The following INTU variants were observed in gnomAD, a reference collection of about 807,000 sequenced individuals.
The protein encoded by INTU is inturned planar cell polarity protein, also known as protein inturned.
A neutral mutation model predicts 100.5 loss-of-function variants in INTU; 68 were observed. The ratio of observed to expected loss-of-function variants is 0.68; its 90% CI spans 0.56 to 0.83. The LOEUF is 0.83. Among genes scored for constraint, INTU ranks in the 40% least tolerant of loss-of-function variants. The pLI, the probability that INTU is intolerant of heterozygous loss-of-function variation, is 0.00. For missense variants in INTU, 1,071 were observed against 1,114.7 expected (o/e 0.96, Z 0.56); for synonymous variants, 357 against 395.7 (o/e 0.90, Z 1.16).
At chr4:127,640,558 T>G (rs1420888558) in intron 1 of INTU, among the ~76,000 whole-genome samples, 1 of 58,034 alleles carries the variant, frequency 1.7e-5, no homozygotes, top group Non-Finnish European at 3.1e-5. Flanking sequence ...TATATATATA[T>G]ATATATATAT....
chr4:127,689,858 C>T (rs1479424650), intron 8 of INTU, among the ~76,000 whole-genome samples: 1 of 152,164 alleles, frequency 6.6e-6, no homozygotes, highest in Non-Finnish European at 1.5e-5. Context: ...GACCCTGGTT[C>T]CAAAGACTGT....
intron 6 of INTU, among the ~76,000 whole-genome samples, chr4:127,683,620 A>G (rs1311952823): frequency 6.6e-6 from 1 of 152,082 alleles, no homozygotes; most frequent in African/African-American, 2.4e-5. Context: ...GTCCCACAGA[A>G]TTTAGGGTGG....
intron 7 of INTU, among the ~76,000 whole-genome samples, chr4:127,684,900 T>C (rs542311556): frequency 2.6e-5 from 4 of 152,014 alleles, no homozygotes; most frequent in African/African-American, 4.8e-5. Flanking sequence ...TAGGGGCAAA[T>C]GTAAGAGTAT....
At position 127,695,379 on chromosome 4, in the gene INTU, G is replaced by A. The variant is rs547294464; in HGVS notation, c.1450-4631G>A. Among the ~76,000 whole-genome samples the A allele has an allele frequency of 1.2e-3, 176 of 152,234 alleles. 1 individual carries two copies. Among genetic ancestry groups the A allele is most frequent in the African/African-American group, 3.9e-3 (160 of 41,554 alleles). The stretch of plus-strand genomic sequence containing the variant: ...CCAGCGCTTTGGGAGGCTGAGATGG[G>A]TGGATCACTTGAGGTCAGGAGTTCA... On this transcript the variant is annotated intron_variant, in intron 8 of 15. Transcript: ENST00000335251.
At chr4:127,634,507 A>G (rs1028729123) in intron 1 of INTU, among the ~76,000 whole-genome samples, 2 of 152,190 alleles carry the variant, frequency 1.3e-5, no homozygotes, top group Admixed American at 1.3e-4. Context: ...AAAATAGTGA[A>G]CTTTGTTTCC....
chr4:127,639,403 G>C (rs941913062), intron 1 of INTU, among the ~76,000 whole-genome samples: 5 of 152,072 alleles, frequency 3.3e-5, no homozygotes, highest in African/African-American at 9.7e-5. Context: ...CTATACTCAA[G>C]GGGAGGAGGG....
At chr4:127,681,324 G>A (rs187993737) in intron 6 of INTU, among the ~76,000 whole-genome samples, 1 of 151,006 alleles carries the variant, frequency 6.6e-6, no homozygotes, top group African/African-American at 2.5e-5. Flanking sequence ...AACAAAGCTG[G>A]AGGCATCACC....
chr4:127,683,129 C>G (rs994689893), intron 6 of INTU, among the ~76,000 whole-genome samples: 4 of 152,144 alleles, frequency 2.6e-5, no homozygotes, highest in Non-Finnish European at 4.4e-5. Flanking sequence ...GATGCTCTAG[C>G]TAATTTCTCA....
intron 11 of INTU, 123 bp downstream of exon 11, chr4:127,705,935 A>T: frequency 1.5e-6 from 1 of 681,442 alleles, no homozygotes; most frequent in Non-Finnish European, 2.5e-6. Flanking sequence ...TAAATACACA[A>T]ACATGCTCAT....
At chr4:127,667,264 T>C (rs1728740056) in intron 4 of INTU, among the ~76,000 whole-genome samples, 2 of 152,134 alleles carry the variant, frequency 1.3e-5, no homozygotes, top group African/African-American at 2.4e-5. Flanking sequence ...TGTATCAACA[T>C]TGTAATTAAG....
intron 8 of INTU, among the ~76,000 whole-genome samples, chr4:127,688,971 C>CTTTTTTTTTTTTTTTTTTTTTTTT (rs763570146): frequency 1.1e-5 from 1 of 88,026 alleles, no homozygotes; most frequent in Non-Finnish European, 2.4e-5. Flanking sequence ...TTCTTTCTTT[C>CTTTTTTTTTTTTTTTTTTTTTTTT]TTTTTTTTTT....
At chr4:127,647,587 T>C (rs1251045337) in intron 2 of INTU, among the ~76,000 whole-genome samples, 1 of 152,202 alleles carries the variant, frequency 6.6e-6, no homozygotes, top group African/African-American at 2.4e-5. Context: ...CTGTGTAAGG[T>C]AGCATATTCA....
intron 14 of INTU, among the ~76,000 whole-genome samples, chr4:127,712,442 T>C (rs922666186): frequency 1.3e-5 from 2 of 152,190 alleles, no homozygotes; most frequent in African/African-American, 2.4e-5. Context: ...TAATATAAAT[T>C]AGTTTTCCCC....
chr4:127,654,628 C>T (rs1278114699), intron 2 of INTU, among the ~76,000 whole-genome samples: 16 of 151,396 alleles, frequency 1.1e-4, no homozygotes, highest in Non-Finnish European at 2.1e-4. Context: ...GAGGGTAACC[C>T]GACCTTTCTC....
intron 5 of INTU, among the ~76,000 whole-genome samples, chr4:127,670,236 A>G (rs1728861946): frequency 6.6e-6 from 1 of 151,986 alleles, no homozygotes; most frequent in African/African-American, 2.4e-5. Flanking sequence ...AGGAAATTTT[A>G]TCTCAAATTT....
chr4:127,657,559 T>C (rs1728290853), intron 3 of INTU, among the ~76,000 whole-genome samples: 1 of 152,104 alleles, frequency 6.6e-6, no homozygotes, highest in African/African-American at 2.4e-5. Context: ...GCTTCATCTG[T>C]ATTTACAGCT....
intron 3 of INTU, among the ~76,000 whole-genome samples, chr4:127,662,535 G>A (rs990670640): frequency 2.6e-5 from 4 of 152,026 alleles, no homozygotes; most frequent in African/African-American, 9.7e-5. Context: ...TGACCAATTG[G>A]TATCTAGACA....
chr4:127,692,133 G>A (rs576711503), intron 8 of INTU, among the ~76,000 whole-genome samples: 1 of 151,840 alleles, frequency 6.6e-6, no homozygotes, highest in Admixed American at 6.6e-5. Flanking sequence ...TGGGATTGCT[G>A]TATCAATCAG....
At chr4:127,674,992 C>T (rs1272305094) in intron 6 of INTU, among the ~76,000 whole-genome samples, 1 of 152,078 alleles carries the variant, frequency 6.6e-6, no homozygotes. Flanking sequence ...ACATTGATTC[C>T]CTAACATCAT....
Sources: allele counts gnomAD v4.1 joint callset (sites outside exome capture counted in the v4.1 genomes callset), GRCh38; gene constraint gnomAD v4.1.1; transcripts MANE v1.5; gene names NCBI Gene and HGNC (gene_info 2026-07-23, HGNC 2026-07-21).